CPS1: variants seen among roughly 807,000 people sequenced by gnomAD.
The protein encoded by CPS1 is carbamoyl-phosphate synthase [ammonia], mitochondrial.
Under a neutral mutation model 174.6 loss-of-function variants are expected in CPS1, and 109 were observed. That is an observed-to-expected ratio of 0.62 (90% CI 0.53 to 0.73). The LOEUF (loss-of-function observed/expected upper bound fraction) is 0.73, where lower values mean the gene tolerates loss of function less well. CPS1 is among the 30% of genes least tolerant of loss of function. The pLI is 0.00. For missense variants in CPS1, 1,689 were observed against 1,821.9 expected (o/e 0.93, Z 1.33); for synonymous variants, 637 against 632.0 (o/e 1.01, Z -0.12).
At chr2:210,499,273 G>T (rs10191395) in intron 1 of CPS1, among the ~76,000 whole-genome samples, 4 of 151,806 alleles carry the variant, frequency 2.6e-5, no homozygotes, top group Non-Finnish European at 4.4e-5. Context: ...CCACTGCACC[G>T]TGATCCCAGA....
At chr2:210,503,261 A>G (rs1695194727) in intron 1 of CPS1, among the ~76,000 whole-genome samples, 1 of 152,052 alleles carries the variant, frequency 6.6e-6, no homozygotes, top group South Asian at 2.1e-4. Context: ...TCCCTGTGCA[A>G]TATACTTGAG....
chr2:210,552,631 T>A (rs1174003063), upstream of CPS1, among the ~76,000 whole-genome samples: 1 of 150,062 alleles, frequency 6.7e-6, no homozygotes, highest in Non-Finnish European at 1.5e-5. Context: ...CCTGTTCTCA[T>A]TTTTTTTTTC....
chr2:210,633,588 A>C (rs1332774236), intron 21 of CPS1, among the ~76,000 whole-genome samples: 3 of 152,232 alleles, frequency 2.0e-5, no homozygotes, highest in African/African-American at 7.2e-5. Context: ...TGTAGACGAC[A>C]CAAATGCAAA....
chr2:210,654,989 C>T (rs145103449), intron 29 of CPS1, among the ~76,000 whole-genome samples: 2 of 152,298 alleles, frequency 1.3e-5, no homozygotes, highest in African/African-American at 2.4e-5. Context: ...TTCTTTACAG[C>T]ATCCCTGGAA....
At chr2:210,625,604 T>C (rs1699674963) in intron 21 of CPS1, among the ~76,000 whole-genome samples, 1 of 152,060 alleles carries the variant, frequency 6.6e-6, no homozygotes, top group Non-Finnish European at 1.5e-5. Flanking sequence ...TATTCTTTCC[T>C]TCAATATATC....
chr2:210,510,719 A>G (rs1431150966), intron 1 of CPS1, among the ~76,000 whole-genome samples: 1 of 152,236 alleles, frequency 6.6e-6, no homozygotes, highest in African/African-American at 2.4e-5. Flanking sequence ...AAGTGGGCGA[A>G]GGATATGAAC....
chr2:210,660,592 T>C lies in CPS1; in HGVS notation c.3864T>C (p.Val1288=), dbSNP rs2105923010. ...VATKVMIGEN[V]DEKHLPTLDH... ...CCAAGGTGATGATTGGAGAGAATGTTGATGAGAAACATCTTCCAACATTGG... is the reference window on the plus strand; with the variant it reads ...CCAAGGTGATGATTGGAGAGAATGTCGATGAGAAACATCTTCCAACATTGG... Residue 1288 remains valine, a synonymous_variant, in exon 32 of 38, where the codon GTT becomes GTC. Transcript: ENST00000233072. 2 of 1,614,198 alleles carry C rather than the reference T, an allele frequency of 1.2e-6. No homozygotes were observed. The highest frequency in any genetic ancestry group is 1.6e-4 in the Middle Eastern group (1 of 6,062).
chr2:210,597,831 T>TAC (rs974669639), intron 13 of CPS1, among the ~76,000 whole-genome samples: 1 of 151,230 alleles, frequency 6.6e-6, no homozygotes, highest in Non-Finnish European at 1.5e-5. Context: ...TTCATATATA[T>TAC]ACACACACAC....
At position 210,590,823 on chromosome 2, in the gene CPS1, G is replaced by A. The variant is rs928901389; in HGVS notation, c.864G>A (p.Glu288=). 1.9e-6 allele frequency: 3 copies of A among 1,610,824 alleles called. No individual in the cohort carries two copies. Among genetic ancestry groups the A allele is most frequent in the African/African-American group, 2.7e-5 (2 of 74,712 alleles). Residue 288 remains glutamate, a synonymous_variant, in exon 9 of 38, where the codon GAG becomes GAA. Transcript: ENST00000233072. ...VRKILESDRK[E]PLFGISTGNL... ...AGATTTTGGAGAGTGATCGCAAGGA[G>A]CCATTGTTTGGAATCAGTACAGGAA...
At position 210,650,321 on chromosome 2, in the gene CPS1, T is replaced by C. The variant is rs748612502; in HGVS notation, c.3405-42T>C. 1.7e-5 allele frequency: 26 copies of C among 1,504,036 alleles called. 1 individual carries two copies. In the South Asian group the frequency reaches 2.6e-4, roughly 15 times the overall value. 93.2% of individuals were successfully genotyped at this position (1,504,036 alleles called of 1,614,324 possible). A position where few individuals can be genotyped will look rare whatever the true frequency, so the allele number is the denominator to read the frequency against. On this transcript the variant is annotated intron_variant, in intron 27 of 37. Coordinates refer to ENST00000233072, the MANE Select transcript of CPS1 (RefSeq NM_001875.5). Reference sequence around the variant, plus strand: ...TCTGAGAACCAGTCAAGTCTAGTATTAGCATAAACCTGACCTGCTTTTTTT... The same window carrying C: ...TCTGAGAACCAGTCAAGTCTAGTATCAGCATAAACCTGACCTGCTTTTTTT...
At chr2:210,576,300 AGT>A in intron 2 of CPS1, 44 bp from the exon 3 acceptor site, 1 of 1,596,170 alleles carries the variant, frequency 6.3e-7, no homozygotes, top group Non-Finnish European at 8.6e-7. Flanking sequence ...ATAGCTTTGT[AGT>A]TACATACATT....
intron 3 of CPS1, 147 bp from the exon 4 acceptor site, chr2:210,577,273 GA>G: frequency 1.5e-6 from 1 of 678,108 alleles, no homozygotes; most frequent in Non-Finnish European, 2.6e-6. Flanking sequence ...GAAGGGCATT[GA>G]TTTTTTTTTT....
At chr2:210,596,932 A>C (rs1417591721) in intron 13 of CPS1, among the ~76,000 whole-genome samples, 1 of 151,544 alleles carries the variant, frequency 6.6e-6, no homozygotes, top group Non-Finnish European at 1.5e-5. Flanking sequence ...TGGATTTTTA[A>C]ACTAAAAAAA....
chr2:210,675,803 CAAG>C lies in CPS1; in HGVS notation c.4241_4243del (p.Glu1414del), dbSNP rs1559141400. 1.3e-6 allele frequency: 2 copies of C among 1,595,516 alleles called. No individual in the cohort carries two copies. Among genetic ancestry groups the C allele is most frequent in the Admixed American group, 1.7e-5 (1 of 59,978 alleles). ...TGCCACCCCAGTGGCATGGCCGTCT[CAAG>C]AAGGACAGAATCCCAGCCTCTCTTC... On this transcript the variant is annotated inframe_deletion, in exon 36 of 38. Transcript: ENST00000233072.
intron 1 of CPS1, among the ~76,000 whole-genome samples, chr2:210,481,402 C>T (rs1295532079): frequency 6.6e-6 from 1 of 152,178 alleles, no homozygotes; most frequent in Non-Finnish European, 1.5e-5. Context: ...AAAGTATCCC[C>T]TTCTGGAGGG....
At chr2:210,484,649 C>T (rs1012010783) in intron 1 of CPS1, among the ~76,000 whole-genome samples, 1 of 152,186 alleles carries the variant, frequency 6.6e-6, no homozygotes, top group Non-Finnish European at 1.5e-5. Flanking sequence ...ATGCCAGAAC[C>T]ACCTATCATG....
In CPS1 at chr2:210,645,902, G is replaced by A. The variant is rs991655403; in HGVS notation, c.3142-1961G>A. 3.3e-4 allele frequency among the ~76,000 whole-genome samples: 50 copies of A among 152,264 alleles called. 1 individual carries two copies. The highest frequency in any genetic ancestry group is 1.2e-4 in the Non-Finnish European group (8 of 68,002). The stretch of plus-strand genomic sequence containing the variant: ...GATAGTGTGAAAGTCAAAACAGATA[G>A]TCCAGGATACATAGTAGAATCTTTA... On this transcript the variant is annotated intron_variant, in intron 25 of 37. Coordinates refer to ENST00000233072, the MANE Select transcript of CPS1 (RefSeq NM_001875.5).
chr2:210,634,597 TCCCCTGCCCTGA>T (rs1187629519), intron 21 of CPS1, among the ~76,000 whole-genome samples: 1 of 151,984 alleles, frequency 6.6e-6, no homozygotes, highest in Non-Finnish European at 1.5e-5. Flanking sequence ...GCAGCTGGGG[TCCCCTGCCCTGA>T]GCCACGGCTT....
At chr2:210,611,404 T>A (rs1699115564) in intron 19 of CPS1, among the ~76,000 whole-genome samples, 1 of 151,976 alleles carries the variant, frequency 6.6e-6, no homozygotes. Flanking sequence ...AAACAATGTT[T>A]ATCCAGCGAA....
Sources: gnomAD v4.1 joint callset for allele counts (sites outside exome capture counted in the v4.1 genomes callset) on GRCh38, gnomAD v4.1.1 for gene constraint, MANE v1.5 for transcripts, NCBI Gene and HGNC (gene_info 2026-07-23, HGNC 2026-07-21) for gene names.